LY86: variants seen among roughly 807,000 people sequenced by gnomAD.
The protein encoded by LY86 is lymphocyte antigen 86.
A neutral mutation model predicts 17.3 loss-of-function variants in LY86; 20 were observed. The observed-to-expected ratio is 1.15, with a 90% confidence interval of 0.81 to 1.68. LY86 has a LOEUF of 1.68. LY86 is among the 40% of genes most tolerant of loss of function. LY86 has a pLI of 0.00. For synonymous variants in LY86, 74 were observed against 70.6 expected, an observed-to-expected ratio of 1.05 and a Z score of -0.24; for missense variants, 200 against 191.9, an observed-to-expected ratio of 1.04 and a Z score of -0.25.
rs117406142 is a variant in LY86, at chr6:6,604,139, G to A, written c.136+15269G>A. Among the ~76,000 whole-genome samples the A allele has an allele frequency of 4.2e-3, 634 of 152,122 alleles. 9 individuals are homozygous for A. In the East Asian group the frequency reaches 0.06, roughly 14 times the overall value. ...GAAGGAAATATTAATTATCTCTATG[G>A]GGTCATATACCCTCAATTCACATTT... On this transcript the variant is annotated intron_variant, in intron 1 of 4. Transcript: ENST00000230568.
At chr6:6,590,041 C>G (rs1198534754) in intron 1 of LY86, among the ~76,000 whole-genome samples, 1 of 147,822 alleles carries the variant, frequency 6.8e-6, no homozygotes. Context: ...TTGCTTGAAC[C>G]CAGGAGGTGG....
At chr6:6,617,196 C>T (rs1189886471) in intron 1 of LY86, among the ~76,000 whole-genome samples, 2 of 152,196 alleles carry the variant, frequency 1.3e-5, no homozygotes, top group African/African-American at 4.8e-5. Flanking sequence ...GTAATCTGGT[C>T]GCTACTTAAC....
At chr6:6,648,173 C>A (rs1345417810) in intron 3 of LY86, among the ~76,000 whole-genome samples, 1 of 152,156 alleles carries the variant, frequency 6.6e-6, no homozygotes, top group Non-Finnish European at 1.5e-5. Flanking sequence ...TCCACCACCA[C>A]CACCCTTCAC....
intron 3 of LY86, among the ~76,000 whole-genome samples, chr6:6,630,783 C>G (rs979061083): frequency 6.6e-6 from 1 of 152,202 alleles, no homozygotes; most frequent in Non-Finnish European, 1.5e-5. Flanking sequence ...CCACAAGCCA[C>G]AGGTCGCGAC....
At chr6:6,594,773 C>T (rs1760647106) in intron 1 of LY86, among the ~76,000 whole-genome samples, 1 of 152,172 alleles carries the variant, frequency 6.6e-6, no homozygotes, top group Non-Finnish European at 1.5e-5. Context: ...TTATGAAGTC[C>T]TTCCATTGAC....
intron 1 of LY86, among the ~76,000 whole-genome samples, chr6:6,611,335 C>T (rs1408710774): frequency 6.6e-6 from 1 of 152,210 alleles, no homozygotes. Context: ...ACAAGGTTTT[C>T]AACCTGCACA....
Position 6,608,783 on chromosome 6 carries a change from G to A in LY86, c.137-16143G>A, listed in dbSNP as rs538050603. On this transcript the variant is annotated intron_variant, in intron 1 of 4. Coordinates refer to ENST00000230568, the MANE Select transcript of LY86 (RefSeq NM_004271.4). ...CTTCTTTAAACTTTGCTGTGAAGCAGAAGAAACTCACACGTGGTGTTTAAC... is the reference window on the plus strand; with the variant it reads ...CTTCTTTAAACTTTGCTGTGAAGCAAAAGAAACTCACACGTGGTGTTTAAC... 3.3e-5 allele frequency among the ~76,000 whole-genome samples: 5 copies of A among 152,378 alleles called. No homozygotes were observed. In the East Asian group the frequency reaches 9.6e-4, roughly 29 times the overall value.
chr6:6,621,956 T>C (rs1279384756), intron 1 of LY86, among the ~76,000 whole-genome samples: 1 of 151,362 alleles, frequency 6.6e-6, no homozygotes, highest in Non-Finnish European at 1.5e-5. Flanking sequence ...TTTGAGAGGG[T>C]GGGGTTGGGG....
chr6:6,607,119 CAG>C (rs1271751178), intron 1 of LY86, among the ~76,000 whole-genome samples: 4 of 152,366 alleles, frequency 2.6e-5, no homozygotes, highest in East Asian at 3.9e-4. Context: ...CAATAGCACA[CAG>C]AGGAGGGGCT....
chr6:6,627,158 C>T (rs959434551), intron 3 of LY86, among the ~76,000 whole-genome samples: 2 of 152,188 alleles, frequency 1.3e-5, no homozygotes, highest in African/African-American at 2.4e-5. Flanking sequence ...CTGCTCTCCC[C>T]TCCCAGGGTC....
intron 1 of LY86, among the ~76,000 whole-genome samples, chr6:6,612,592 CTCT>C (rs1761411649): frequency 6.8e-6 from 1 of 146,512 alleles, no homozygotes. Context: ...TGACTTTATT[CTCT>C]TATCTGGCCC....
intron 1 of LY86, among the ~76,000 whole-genome samples, chr6:6,619,010 G>A (rs1454455423): frequency 6.6e-6 from 1 of 152,214 alleles, no homozygotes; most frequent in Non-Finnish European, 1.5e-5. Context: ...TTTGCATTGT[G>A]CTGGTAATGG....
chr6:6,615,807 G>A (rs113316935), intron 1 of LY86, among the ~76,000 whole-genome samples: 1,569 of 151,136 alleles, frequency 0.01, 31 homozygotes, highest in African/African-American at 0.036. Context: ...TAGGAGGATC[G>A]CTTGAATCCA....
intron 3 of LY86, among the ~76,000 whole-genome samples, chr6:6,634,408 A>T (rs1438094665): frequency 6.6e-6 from 1 of 152,270 alleles, no homozygotes; most frequent in African/African-American, 2.4e-5. Context: ...GATGAATTTC[A>T]ATATAAAACA....
chr6:6,653,353 C>G (rs1762215162), intron 4 of LY86, among the ~76,000 whole-genome samples: 1 of 152,142 alleles, frequency 6.6e-6, no homozygotes, highest in Non-Finnish European at 1.5e-5. Context: ...ACAGGCAGTT[C>G]AAAGATGTGC....
In LY86 at chr6:6,641,678, C is replaced by G. The variant is rs1005862134; in HGVS notation, c.353-7947C>G. 3.3e-5 allele frequency among the ~76,000 whole-genome samples: 5 copies of G among 152,126 alleles called. No homozygotes were observed. In the South Asian group the frequency reaches 1.0e-3, roughly 31 times the overall value. On this transcript the variant is annotated intron_variant, in intron 3 of 4. Transcript: ENST00000230568. ...TCACAAGAAACAGGTGCAAACGTAC[C>G]AGCAGCCAGGTGGCTAGGGCCACCA...
intron 1 of LY86, among the ~76,000 whole-genome samples, chr6:6,603,632 A>AACACACACACACACACACACACAC (rs540840468): frequency 2.6e-4 from 35 of 135,864 alleles, no homozygotes; most frequent in African/African-American, 9.3e-4. Flanking sequence ...AAAAAAACAA[A>AACACACACACACACACACACACAC]ACACACACAC....
chr6:6,612,344 T>C (rs930880303), intron 1 of LY86, among the ~76,000 whole-genome samples: 12 of 152,240 alleles, frequency 7.9e-5, no homozygotes, highest in Non-Finnish European at 1.5e-4. Context: ...GCAGTAAGCA[T>C]TACACTTCTT....
chr6:6,643,276 C>A (rs778354194), intron 3 of LY86, among the ~76,000 whole-genome samples: 1 of 152,068 alleles, frequency 6.6e-6, no homozygotes, highest in African/African-American at 2.4e-5. Flanking sequence ...AAAACAACAG[C>A]GACAGATGAA....
Sources: gnomAD v4.1 joint callset for allele counts (sites outside exome capture counted in the v4.1 genomes callset) on GRCh38, gnomAD v4.1.1 for gene constraint, MANE v1.5 for transcripts, NCBI Gene and HGNC (gene_info 2026-07-23, HGNC 2026-07-21) for gene names.